The following STRN variants were observed in gnomAD, a reference collection of about 807,000 sequenced individuals.
STRN encodes the protein striatin, also known as protein phosphatase 2 regulatory subunit B'''alpha.
A neutral mutation model predicts 96.3 loss-of-function variants in STRN; 53 were observed. The ratio of observed to expected loss-of-function variants is 0.55; its 90% CI spans 0.44 to 0.69. The LOEUF is 0.69. Among genes scored for constraint, STRN ranks in the 30% least tolerant of loss-of-function variants. The pLI is 0.00. For synonymous variants in STRN, 428 were observed against 355.9 expected, an observed-to-expected ratio of 1.20 and a Z score of -2.28; for missense variants, 987 against 963.9, an observed-to-expected ratio of 1.02 and a Z score of -0.32.
intron 9 of STRN, among the ~76,000 whole-genome samples, chr2:36,882,669 T>C (rs1215357321): frequency 4.6e-5 from 7 of 152,138 alleles, no homozygotes; most frequent in African/African-American, 1.7e-4. Context: ...CTCAGGAGGC[T>C]GAGGTGGAAG....
chr2:36,870,500 A>G (rs1668736063), intron 10 of STRN, among the ~76,000 whole-genome samples: 1 of 152,194 alleles, frequency 6.6e-6, no homozygotes, highest in Non-Finnish European at 1.5e-5. Context: ...TGGACCACAT[A>G]TATGATGCTG....
Position 36,947,366 on chromosome 2 carries a change from A to C in STRN, c.234+18864T>G, listed in dbSNP as rs992291147. On this transcript the variant is annotated intron_variant, in intron 1 of 17. Transcript: ENST00000263918. ...GAAATGTCAAAATTTTTATTCAAAC[A>C]GTCTGAAAACAAAAGACATCACAAA... Among the ~76,000 whole-genome samples the C allele has an allele frequency of 2.6e-5, 4 of 152,084 alleles. No individual in the cohort carries two copies. In the South Asian group the frequency reaches 6.2e-4, roughly 24 times the overall value.
chr2:36,872,400 A>T (rs1011964219), intron 10 of STRN, among the ~76,000 whole-genome samples: 5 of 152,190 alleles, frequency 3.3e-5, no homozygotes, highest in African/African-American at 4.8e-5. Flanking sequence ...CCACCCTACA[A>T]GTCAAGTCTT....
rs562613591 is a variant in STRN, at chr2:36,847,861, T to C, written c.*1595A>G. On this transcript the variant is annotated 3_prime_UTR_variant, in exon 18 of 18. Transcript: ENST00000263918. ...GATGGAAAATGTGGGGAATGGAATATGTAGAAATTGTTTTAATTGGTTAAA... is the reference window on the plus strand; with the variant it reads ...GATGGAAAATGTGGGGAATGGAATACGTAGAAATTGTTTTAATTGGTTAAA... The C allele has an allele frequency of 6.6e-6, 1 of 152,286 alleles. No homozygotes were observed. Among genetic ancestry groups the C allele is most frequent in the East Asian group, 1.9e-4 (1 of 5,192 alleles). The allele number at this position is 152,286 out of a possible 1,614,324, so 9.4% of individuals were successfully genotyped here. A position where few individuals can be genotyped will look rare whatever the true frequency, so the allele number is the denominator to read the frequency against.
chr2:36,874,133 G>A (rs558821461), intron 10 of STRN, among the ~76,000 whole-genome samples: 11 of 151,660 alleles, frequency 7.3e-5, no homozygotes, highest in South Asian at 2.1e-4. Flanking sequence ...GCGTGGTGGC[G>A]GGCACCTGCA....
chr2:36,951,890 C>T (rs1664762164), intron 1 of STRN, among the ~76,000 whole-genome samples: 1 of 152,224 alleles, frequency 6.6e-6, no homozygotes, highest in African/African-American at 2.4e-5. Flanking sequence ...GCATTACCCG[C>T]TGAGCTCCGC....
chr2:36,843,710 C>CT lies in STRN; in HGVS notation c.*5745dup. The CT allele has an allele frequency of 6.6e-6, 1 of 152,288 alleles. No individual in the cohort carries two copies. Among genetic ancestry groups the CT allele is most frequent in the Non-Finnish European group, 1.5e-5 (1 of 68,070 alleles). The allele number at this position is 152,288 out of a possible 1,614,324, so 9.4% of individuals were successfully genotyped here. On this transcript the variant is annotated 3_prime_UTR_variant, in exon 18 of 18. Coordinates refer to ENST00000263918, the MANE Select transcript of STRN (RefSeq NM_003162.4). ...CCTCCCCCAAAAGCCCCAAATCAGA[C>CT]TATGTTAATTTAACTGATTACTGTA...
Position 36,966,507 on chromosome 2 carries a change from G to A in STRN, c.-44C>T, listed in dbSNP as rs1363087273. The A allele has an allele frequency of 7.6e-7, 1 of 1,321,740 alleles. No individual in the cohort carries two copies. Among genetic ancestry groups the A allele is most frequent in the African/African-American group, 1.5e-5 (1 of 64,928 alleles). 81.9% of individuals were successfully genotyped at this position (1,321,740 alleles called of 1,614,324 possible). A position where few individuals can be genotyped will look rare whatever the true frequency, so the allele number is the denominator to read the frequency against. On this transcript the variant is annotated 5_prime_UTR_variant, in exon 1 of 18. Coordinates refer to ENST00000263918, the MANE Select transcript of STRN (RefSeq NM_003162.4). Reference sequence around the variant, plus strand: ...GGGAGCTGCCCCGGCGCCCAGCAGCGGAGGCAACAGCGGCGGCAAGCAGCG... The same window carrying A: ...GGGAGCTGCCCCGGCGCCCAGCAGCAGAGGCAACAGCGGCGGCAAGCAGCG...
intron 1 of STRN, among the ~76,000 whole-genome samples, chr2:36,961,423 T>C (rs1665027998): frequency 6.6e-6 from 1 of 152,134 alleles, no homozygotes; most frequent in African/African-American, 2.4e-5. Flanking sequence ...CCACTGCACC[T>C]GGCCCTCTAA....
chr2:36,863,810 T>C (rs969506551), intron 12 of STRN, among the ~76,000 whole-genome samples: 12 of 152,254 alleles, frequency 7.9e-5, no homozygotes, highest in Non-Finnish European at 1.8e-4. Flanking sequence ...TTTCCATTTC[T>C]TTGTGTCATC....
At chr2:36,962,037 T>C (rs572250706) in intron 1 of STRN, among the ~76,000 whole-genome samples, 1 of 152,310 alleles carries the variant, frequency 6.6e-6, no homozygotes, top group South Asian at 2.1e-4. Context: ...TCCTCTTATT[T>C]TCTTTCCCAA....
chr2:36,925,864 G>C (rs113953169), intron 1 of STRN, among the ~76,000 whole-genome samples: 1 of 152,142 alleles, frequency 6.6e-6, no homozygotes. Flanking sequence ...GCCATCAACA[G>C]GATCTTTTTA....
At chr2:36,942,718 C>T (rs147213286) in intron 1 of STRN, among the ~76,000 whole-genome samples, 37 of 151,764 alleles carry the variant, frequency 2.4e-4, no homozygotes, top group Non-Finnish European at 3.2e-4. Flanking sequence ...TTTTTTGAGA[C>T]GGAGTCTTGC....
intron 2 of STRN, among the ~76,000 whole-genome samples, chr2:36,923,877 A>T (rs1418940301): frequency 2.0e-5 from 3 of 152,224 alleles, no homozygotes; most frequent in African/African-American, 7.2e-5. Context: ...AAAAAATCCA[A>T]GGCCCATTCA....
intron 9 of STRN, among the ~76,000 whole-genome samples, chr2:36,878,294 T>C (rs901844296): frequency 3.3e-5 from 5 of 152,206 alleles, no homozygotes; most frequent in African/African-American, 1.2e-4. Context: ...TTTCACTATA[T>C]AGAAAAATAA....
At chr2:36,875,383 A>C (rs1354275875) in intron 10 of STRN, among the ~76,000 whole-genome samples, 3 of 151,118 alleles carry the variant, frequency 2.0e-5, no homozygotes, top group African/African-American at 7.3e-5. Context: ...GTGCACACCT[A>C]TGGTCCCAGC....
chr2:36,918,087 T>A (rs905117302), intron 2 of STRN, among the ~76,000 whole-genome samples: 6 of 152,170 alleles, frequency 3.9e-5, no homozygotes, highest in Non-Finnish European at 8.8e-5. Context: ...TATAGATACT[T>A]AATTTTTAGT....
chr2:36,906,507 A>C (rs973668276), intron 3 of STRN, among the ~76,000 whole-genome samples: 4 of 144,820 alleles, frequency 2.8e-5, no homozygotes, highest in African/African-American at 9.9e-5. Flanking sequence ...CAAATAAATA[A>C]TTTTTTTAAA....
chr2:36,853,762 C>G (rs538538741), intron 15 of STRN, among the ~76,000 whole-genome samples: 15 of 152,096 alleles, frequency 9.9e-5, no homozygotes, highest in African/African-American at 3.6e-4. Flanking sequence ...ATGCTAAATT[C>G]CAAAACAGAA....
Sources: allele counts gnomAD v4.1 joint callset (sites outside exome capture counted in the v4.1 genomes callset), GRCh38; gene constraint gnomAD v4.1.1; transcripts MANE v1.5; gene names NCBI Gene and HGNC (gene_info 2026-07-23, HGNC 2026-07-21).